The following AMZ1 variants were observed in gnomAD, a reference collection of about 807,000 sequenced individuals.
AMZ1 encodes archaemetzincin-1.
In AMZ1, 39 loss-of-function variants were observed where a neutral mutation model predicts 29.9. The ratio of observed to expected loss-of-function variants is 1.30; its 90% CI spans 1.01 to 1.70. AMZ1 has a LOEUF of 1.70. Ranked by LOEUF, AMZ1 falls within the 40% of genes most tolerant of loss-of-function variation. The pLI, the probability that AMZ1 is intolerant of heterozygous loss-of-function variation, is 0.00. For synonymous variants in AMZ1, 458 were observed against 304.0 expected, an observed-to-expected ratio of 1.51 and a Z score of -5.27; for missense variants, 1,041 against 680.6, an observed-to-expected ratio of 1.53 and a Z score of -5.89.
At chr7:2,719,911 G>A (rs557922678), downstream of AMZ1, among the ~76,000 whole-genome samples, 82 of 152,224 alleles carry the variant, frequency 5.4e-4, no homozygotes, top group African/African-American at 1.8e-3. Context: ...TCAAACTCCT[G>A]ACCTCGTGAT....
intron 5 of AMZ1, 101 bp downstream of exon 5, chr7:2,709,345 GATGGACCCCTAACTCT>G: frequency 8.0e-7 from 1 of 1,246,180 alleles, no homozygotes; most frequent in East Asian, 2.6e-5. Context: ...CAGTGAAGTG[GATGGACCCCTAACTCT>G]ATGGAATGAG....
Position 2,714,482 on chromosome 7 carries a change from G to A in AMZ1, c.*1604G>A, listed in dbSNP as rs1789003451. 1 of 152,354 alleles carries A rather than the reference G, an allele frequency of 6.6e-6. No homozygotes were observed. Among genetic ancestry groups the A allele is most frequent in the African/African-American group, 2.4e-5 (1 of 41,434 alleles). 9.4% of individuals were successfully genotyped at this position (152,354 alleles called of 1,614,324 possible). On this transcript the variant is annotated 3_prime_UTR_variant, in exon 7 of 7. Transcript: ENST00000683327. ...TTCTCTTTTGCGTAGCTTCAAAAAG[G>A]CGTAACAGTGACCTGGGAGGGGAGA...
At chr7:2,709,302 G>C in intron 5 of AMZ1, 58 bp downstream of exon 5, 4 of 1,437,776 alleles carry the variant, frequency 2.8e-6, no homozygotes, top group Non-Finnish European at 3.7e-6. Flanking sequence ...CTGAGCCCTT[G>C]GTGCCTCGGT....
At chr7:2,741,995 CATTTAATCTGA>C in intron 4 of AMZ1, among the ~76,000 whole-genome samples, 1 of 151,828 alleles carries the variant, frequency 6.6e-6, no homozygotes, top group Admixed American at 6.6e-5. Context: ...TCTTTAGTTT[CATTTAATCTGA>C]AACACTTGAA....
In AMZ1 at chr7:2,717,918, C is replaced by A. The variant is rs1789224147; in HGVS notation, c.*5040C>A. On this transcript the variant is annotated 3_prime_UTR_variant, in exon 7 of 7. Transcript: ENST00000683327. ...ACCACGCGTTCAGTCCAACTCTTCC[C>A]CGCTGCAGTGTTCCCGTGACGATGA... Among the ~76,000 whole-genome samples, 1 of 152,194 alleles carries A rather than the reference C, an allele frequency of 6.6e-6. No homozygotes were observed. The highest frequency in any genetic ancestry group is 2.1e-4 in the South Asian group (1 of 4,834).
At chr7:2,709,925 A>G (rs1788658529) in intron 6 of AMZ1, 109 bp downstream of exon 6, 1 of 1,463,500 alleles carries the variant, frequency 6.8e-7, no homozygotes, top group Admixed American at 2.2e-5. Context: ...GGCTTTGTCA[A>G]CTGCCGGGTT....
In AMZ1 at chr7:2,718,750, G is replaced by C. The variant is rs748902160; in HGVS notation, c.*5872G>C. ...GCAGCCGGGCTTGGTCTTGTGGTCA[G>C]GGAGAAGCGGGCAGGCCAGGGCCGA... On this transcript the variant is annotated 3_prime_UTR_variant, in exon 7 of 7. Transcript: ENST00000683327. Among the ~76,000 whole-genome samples the C allele has an allele frequency of 1.3e-5, 2 of 152,232 alleles. No homozygotes were observed. Among genetic ancestry groups the C allele is most frequent in the Non-Finnish European group, 2.9e-5 (2 of 68,054 alleles).
chr7:2,703,039 AGCC>A, intron 3 of AMZ1, 150 bp downstream of exon 3: 1 of 1,139,928 alleles, frequency 8.8e-7, no homozygotes, highest in African/African-American at 1.6e-5. Flanking sequence ...AGCAGGACCA[AGCC>A]GGAGAGCTCC....
At chr7:2,736,673 G>C (rs1025044944) in intron 4 of AMZ1, among the ~76,000 whole-genome samples, 1 of 152,246 alleles carries the variant, frequency 6.6e-6, no homozygotes, top group Non-Finnish European at 1.5e-5. Flanking sequence ...CCTTTCTGCA[G>C]AGGCCTGCAG....
rs202179426 is a variant in AMZ1 at position 2,690,247 on chromosome 7, C to T, written c.-219+1951C>T. On this transcript the variant is annotated intron_variant, in intron 1 of 6. Coordinates refer to ENST00000683327, the MANE Select transcript of AMZ1 (RefSeq NM_001384743.1). The stretch of plus-strand genomic sequence containing the variant: ...AGACAGACAGACAGACAGACAGGGT[C>T]TTGCTCTGTCTTCCAGGCTGGAATG... Among the ~76,000 whole-genome samples the T allele has an allele frequency of 5.9e-5, 9 of 152,228 alleles. No individual in the cohort carries two copies. The East Asian group carries it at 1.7e-3, about 29-fold the overall frequency.
At chr7:2,730,469 C>T (rs908093567) in intron 4 of AMZ1, 10 of 152,510 alleles carry the variant, frequency 6.6e-5, no homozygotes, top group African/African-American at 9.6e-5. Context: ...GCTGTAGGGG[C>T]GTAAGGTGAA....
chr7:2,716,456 G>A lies in AMZ1; in HGVS notation c.*3578G>A, dbSNP rs898690786. On this transcript the variant is annotated 3_prime_UTR_variant, in exon 7 of 7. Transcript: ENST00000683327. ...GGTGAGGAGGGAGGGATGCCGACCT[G>A]TTAATATTTGCTTCAGACCTTTCCC... is the stretch of plus-strand genomic sequence containing the variant. The A allele has an allele frequency of 1.3e-5, 2 of 152,222 alleles. No homozygotes were observed. The highest frequency in any genetic ancestry group is 4.8e-5 in the African/African-American group (2 of 41,434). 9.4% of individuals were successfully genotyped at this position (152,222 alleles called of 1,614,324 possible). A position where few individuals can be genotyped will look rare whatever the true frequency, so the allele number is the denominator to read the frequency against.
chr7:2,722,275 T>A (rs924068811), downstream of AMZ1, among the ~76,000 whole-genome samples: 3 of 68,398 alleles, frequency 4.4e-5, no homozygotes, highest in Non-Finnish European at 6.7e-5. Context: ...GCATTTCGAA[T>A]TTTTTTTTTT....
intron 4 of AMZ1, among the ~76,000 whole-genome samples, chr7:2,747,521 C>G (rs938457309): frequency 3.9e-5 from 6 of 152,122 alleles, no homozygotes; most frequent in Non-Finnish European, 7.4e-5. Context: ...GGACGTATCT[C>G]AAAATAATAA....
downstream of AMZ1, among the ~76,000 whole-genome samples, chr7:2,722,197 A>C (rs1789452635): frequency 6.6e-6 from 1 of 152,150 alleles, no homozygotes; most frequent in African/African-American, 2.4e-5. Flanking sequence ...CAAGCTTACC[A>C]CACTGAATTT....
rs528697727 is a variant in AMZ1 at position 2,680,370 on chromosome 7, C to G, written c.-219+699C>G. 4.3e-3 allele frequency among the ~76,000 whole-genome samples: 660 copies of G among 152,262 alleles called. 2 individuals carry two copies. Among genetic ancestry groups the G allele is most frequent in the Admixed American group, 8.1e-3 (124 of 15,298 alleles). On this transcript the variant is annotated intron_variant, in intron 1 of 6. Coordinates refer to the AMZ1 transcript ENST00000312371. ...CCTGCCAGGCTGGGCAGGTGTGCAG[C>G]CCACCCAGCAGGCACTGGAGACCCC...
At chr7:2,707,525 T>C (rs1037200599) in intron 3 of AMZ1, among the ~76,000 whole-genome samples, 5 of 151,858 alleles carry the variant, frequency 3.3e-5, no homozygotes, top group African/African-American at 1.2e-4. Context: ...CCCCTGGGCC[T>C]CTCCTGTATC....
chr7:2,687,600 A>G (rs1429999474), upstream of AMZ1, among the ~76,000 whole-genome samples: 4 of 152,250 alleles, frequency 2.6e-5, no homozygotes, highest in Non-Finnish European at 5.9e-5. Context: ...TGGCTGGCAC[A>G]GGGCCAGGGC....
rs1789860876 is a variant in AMZ1, at chr7:2,731,010, C to T, written n.550+21194C>T. On this transcript the variant is annotated intron_variant and non_coding_transcript_variant, in intron 4 of 4. Transcript: ENST00000489665. This position sits in a 1 kb window ranked among gnomAD's most constrained non-coding sequence, Gnocchi z 6.0. ...TAGCTAACGTGACAGTTTCCATGTC[C>T]TTTTGCCTAGAGCTCGCTGGCTGGC... 1 of 553,494 alleles carries T rather than the reference C, an allele frequency of 1.8e-6. No individual in the cohort carries two copies. Among genetic ancestry groups the T allele is most frequent in the East Asian group, 2.8e-5 (1 of 35,804 alleles). 34.3% of individuals were successfully genotyped at this position (553,494 alleles called of 1,614,324 possible).
Sources: gnomAD v4.1 joint callset for allele counts (sites outside exome capture counted in the v4.1 genomes callset) on GRCh38, gnomAD v4.1.1 for gene constraint, Gnocchi (gnomAD v3.1) non-coding constraint, MANE v1.5 for transcripts, NCBI Gene and HGNC (gene_info 2026-07-23, HGNC 2026-07-21) for gene names.